Variants in MTA3 observed in about 807,000 individuals in gnomAD.
MTA3 encodes the protein metastasis-associated protein MTA3.
MTA3 carries 34 observed loss-of-function variants against 83.5 expected under a neutral mutation model. The observed-to-expected ratio is 0.41, with a 90% CI of 0.31 to 0.54. MTA3 has a LOEUF of 0.54. Ranked by LOEUF, MTA3 falls within the 20% of genes least tolerant of loss-of-function variation. The pLI, the probability that MTA3 is intolerant of heterozygous loss-of-function variation, is 0.33. For missense variants in MTA3, 761 were observed against 726.4 expected (o/e 1.05, Z -0.55); for synonymous variants, 303 against 252.7 (o/e 1.20, Z -1.89).
chr2:42,722,935 C>G lies in MTA3; in HGVS notation c.1659C>G (p.Ser553Arg). 6.4e-7 allele frequency: 1 copy of G among 1,551,202 alleles called. No homozygotes were observed. Among genetic ancestry groups the G allele is most frequent in the South Asian group, 1.2e-5 (1 of 84,056 alleles). ...KKPNVIRSTP[S>R]LQTPTTKRML... ...CTAATGTAATTCGATCTACACCAAG[C>G]CTGCAAACCCCAACTACCAAGCGGA... is the stretch of plus-strand genomic sequence containing the variant. The change falls in exon 16 of 17, where the codon AGC (serine) becomes AGG (arginine). Residue 553 changes from serine (S) to arginine (R), a missense_variant. Physicochemically the swap from Ser to Arg is moderately radical, Grantham distance 110 (BLOSUM62 -1). Transcript: ENST00000405094.
intron 15 of MTA3, 148 bp downstream of exon 15, chr2:42,719,222 T>G: frequency 1.7e-6 from 1 of 592,514 alleles, no homozygotes; most frequent in East Asian, 2.8e-5. Context: ...TTATTTTGTT[T>G]CAGAAACTTT....
At chr2:42,557,399 C>T (rs7607881) in intron 2 of MTA3, among the ~76,000 whole-genome samples, 117,662 of 151,582 alleles carry the variant, frequency 0.78, 46,311 homozygotes, top group African/African-American at 0.9. Flanking sequence ...TTCCAGAAGA[C>T]GTACATTATG....
chr2:42,598,727 T>C (rs1642719562), intron 3 of MTA3, among the ~76,000 whole-genome samples: 2 of 152,206 alleles, frequency 1.3e-5, no homozygotes, highest in South Asian at 2.1e-4. Context: ...AAGGGACTCA[T>C]TAATACTTTC....
At chr2:42,561,584 A>C (rs1385626886) in intron 2 of MTA3, among the ~76,000 whole-genome samples, 1 of 151,980 alleles carries the variant, frequency 6.6e-6, no homozygotes, top group Non-Finnish European at 1.5e-5. Context: ...CTGCCTCCCA[A>C]AGTGCTGGGA....
chr2:42,740,219 C>G (rs997669794), intron 16 of MTA3, among the ~76,000 whole-genome samples: 1 of 152,214 alleles, frequency 6.6e-6, no homozygotes, highest in African/African-American at 2.4e-5. Context: ...GAAAGTTAAA[C>G]TTATTCCTTG....
At chr2:42,524,076 T>C (rs1272696328) in intron 2 of MTA3, among the ~76,000 whole-genome samples, 1 of 151,990 alleles carries the variant, frequency 6.6e-6, no homozygotes, top group Non-Finnish European at 1.5e-5. Flanking sequence ...TGCCATGACC[T>C]GGGGGGGCCA....
chr2:42,752,261 C>G (rs1180854255), intron 16 of MTA3: 1 of 471,430 alleles, frequency 2.1e-6, no homozygotes, highest in Admixed American at 2.3e-5. Context: ...AGACACAGCT[C>G]TGCTCCATCC....
chr2:42,598,722 A>C (rs561492328), intron 3 of MTA3, among the ~76,000 whole-genome samples: 1 of 152,228 alleles, frequency 6.6e-6, no homozygotes, highest in Admixed American at 6.5e-5. Flanking sequence ...TTTACAAGGG[A>C]CTCATTAATA....
intron 3 of MTA3, among the ~76,000 whole-genome samples, chr2:42,598,947 C>T (rs1682195400): frequency 6.6e-6 from 1 of 152,086 alleles, no homozygotes; most frequent in Non-Finnish European, 1.5e-5. Flanking sequence ...TTCAGTTGTC[C>T]CTTCCAGCCA....
chr2:42,729,317 G>A (rs1668086349), intron 16 of MTA3, among the ~76,000 whole-genome samples: 1 of 151,810 alleles, frequency 6.6e-6, no homozygotes, highest in Non-Finnish European at 1.5e-5. Context: ...TAGCCAGGAT[G>A]ATCTCGATCC....
chr2:42,693,492 C>G (rs1251804049), intron 9 of MTA3, among the ~76,000 whole-genome samples: 1 of 152,200 alleles, frequency 6.6e-6, no homozygotes, highest in African/African-American at 2.4e-5. Flanking sequence ...TTTCCACAGG[C>G]AGAGGGGCCT....
chr2:42,637,076 A>C (rs1024965612), intron 4 of MTA3, among the ~76,000 whole-genome samples: 14 of 152,208 alleles, frequency 9.2e-5, no homozygotes, highest in Non-Finnish European at 1.5e-4. Context: ...CCTGCTGTTG[A>C]ACGTGTGACT....
chr2:42,592,305 TG>T (rs767472154), intron 3 of MTA3, among the ~76,000 whole-genome samples: 12 of 151,660 alleles, frequency 7.9e-5, no homozygotes, highest in Non-Finnish European at 1.6e-4. Context: ...CATTTATGGC[TG>T]GGCATAGTAG....
At chr2:42,649,799 A>G (rs1259928340) in intron 6 of MTA3, among the ~76,000 whole-genome samples, 2 of 152,164 alleles carry the variant, frequency 1.3e-5, no homozygotes, top group Admixed American at 6.6e-5. Flanking sequence ...TGTTTGGGGG[A>G]AAAATTACAT....
intron 2 of MTA3, among the ~76,000 whole-genome samples, chr2:42,548,846 A>AATATATATATATATATAATAT (rs377534429): frequency 2.0e-4 from 3 of 15,064 alleles, no homozygotes; most frequent in African/African-American, 2.6e-4. Flanking sequence ...ATATATATAT[A>AATATATATATATATATAATAT]ATATATATAT....
chr2:42,605,181 C>T (rs1573207930), intron 3 of MTA3, among the ~76,000 whole-genome samples: 1 of 146,968 alleles, frequency 6.8e-6, no homozygotes, highest in Admixed American at 6.7e-5. Context: ...CGCCCCTCAC[C>T]TCCCGGACGG....
At chr2:42,648,893 C>T (rs1233625446) in intron 6 of MTA3, among the ~76,000 whole-genome samples, 1 of 152,090 alleles carries the variant, frequency 6.6e-6, no homozygotes, top group Admixed American at 6.5e-5. Flanking sequence ...TTTGGGTAAT[C>T]CTGACTATAC....
At position 42,756,437 on chromosome 2, in the gene MTA3, C is replaced by G; in HGVS notation, c.*3038C>G. 1.0e-6 allele frequency: 1 copy of G among 984,546 alleles called. No individual in the cohort carries two copies. The highest frequency in any genetic ancestry group is 1.2e-6 in the Non-Finnish European group (1 of 829,132). 61.0% of individuals were successfully genotyped at this position (984,546 alleles called of 1,614,324 possible). The stretch of plus-strand genomic sequence containing the variant: ...CCCACCGGGTCAGTCCCCTGCCACT[C>G]AGAGCAGAGCAGGGGGCTGAGGGCA... On this transcript the variant is annotated 3_prime_UTR_variant, in exon 17 of 17. Transcript: ENST00000405094.
At chr2:42,695,433 G>A (rs778248735) in intron 9 of MTA3, among the ~76,000 whole-genome samples, 10 of 151,554 alleles carry the variant, frequency 6.6e-5, no homozygotes, top group Admixed American at 1.3e-4. Flanking sequence ...TTAGGAGTTC[G>A]AGACCAGCCT....
Sources: gnomAD v4.1 joint callset for allele counts (sites outside exome capture counted in the v4.1 genomes callset) on GRCh38, gnomAD v4.1.1 for gene constraint, MANE v1.5 for transcripts, NCBI Gene and HGNC (gene_info 2026-07-23, HGNC 2026-07-21) for gene names.